The following PLB1 variants were observed in gnomAD, a reference collection of about 807,000 sequenced individuals.
PLB1 encodes the protein phospholipase B1, also known as phospholipase B1, membrane-associated.
Under a neutral mutation model 227.4 loss-of-function variants are expected in PLB1, and 242 were observed. The observed-to-expected ratio is 1.06, with a 90% confidence interval of 0.96 to 1.18. The LOEUF is 1.18. PLB1 is among the 50% of genes most tolerant of loss of function. The pLI, the probability that PLB1 is intolerant of heterozygous loss-of-function variation, is 0.00. For missense variants in PLB1, 1,858 were observed against 1,816.3 expected (o/e 1.02, Z -0.42); for synonymous variants, 757 against 682.2 (o/e 1.11, Z -1.71).
Position 28,643,295 on chromosome 2 carries a change from C to T in PLB1, c.*234C>T, listed in dbSNP as rs1463560449. 2.4e-6 allele frequency: 1 copy of T among 418,802 alleles called. No individual in the cohort carries two copies. Among genetic ancestry groups the T allele is most frequent in the Non-Finnish European group, 4.3e-6 (1 of 234,714 alleles). The allele number at this position is 418,802 out of a possible 1,614,324, so 25.9% of individuals were successfully genotyped here. On this transcript the variant is annotated 3_prime_UTR_variant, in exon 58 of 58. Coordinates refer to ENST00000327757, the MANE Select transcript of PLB1 (RefSeq NM_153021.5). ...CCTGGGTTTGCCTGCGTGAAGCACT[C>T]ACCTTCCATCTCTTGTGCAGCCCAG...
Position 28,557,768 on chromosome 2 carries a change from T to C in PLB1, c.1147+4777T>C, listed in dbSNP as rs541803899. On this transcript the variant is annotated intron_variant, in intron 17 of 57. Coordinates refer to ENST00000327757, the MANE Select transcript of PLB1 (RefSeq NM_153021.5). ...ATCAGCCCACACAAATTTAATCTTA[T>C]CACTAAATAGTTCTTTTTCCAGGGA... Among the ~76,000 whole-genome samples, 4 of 152,362 alleles carry C rather than the reference T, an allele frequency of 2.6e-5. No individual in the cohort carries two copies. The South Asian group carries it at 8.3e-4, about 32-fold the overall frequency.
At chr2:28,620,426 G>T (rs1360367807) in intron 47 of PLB1, 94 bp downstream of exon 47, 54 of 1,355,634 alleles carry the variant, frequency 4.0e-5, no homozygotes, top group Non-Finnish European at 2.0e-6. Context: ...GATGCAGTTG[G>T]GTCCCCAGGT....
chr2:28,562,938 T>C, intron 17 of PLB1, 103 bp from the exon 18 acceptor site: 1 of 1,198,790 alleles, frequency 8.3e-7, no homozygotes, highest in Non-Finnish European at 1.2e-6. Flanking sequence ...AAAAACTGAC[T>C]TTTTCTTTGT....
chr2:28,594,274 G>C, intron 33 of PLB1: 1 of 270,296 alleles, frequency 3.7e-6, no homozygotes, highest in East Asian at 8.8e-5. Flanking sequence ...TTAGCAATTC[G>C]ACAAGAGGAA....
chr2:28,533,280 G>A (rs1671261300), intron 9 of PLB1, among the ~76,000 whole-genome samples: 1 of 152,104 alleles, frequency 6.6e-6, no homozygotes, highest in African/African-American at 2.4e-5. Flanking sequence ...GCTCTCATTG[G>A]CCAATATTCC....
At chr2:28,567,870 T>C (rs138909318) in intron 20 of PLB1, among the ~76,000 whole-genome samples, 1,868 of 152,302 alleles carry the variant, frequency 0.012, 55 homozygotes, top group South Asian at 0.12. Context: ...GCGATACATA[T>C]TTAAATTGAA....
chr2:28,635,262 C>T (rs1689162357), intron 56 of PLB1, among the ~76,000 whole-genome samples: 1 of 152,210 alleles, frequency 6.6e-6, no homozygotes, highest in South Asian at 2.1e-4. Context: ...AAAGCTGTAG[C>T]ATGATGCCAA....
intron 49 of PLB1, among the ~76,000 whole-genome samples, chr2:28,621,517 G>A (rs1483124322): frequency 6.6e-6 from 1 of 152,228 alleles, no homozygotes; most frequent in Non-Finnish European, 1.5e-5. Flanking sequence ...CATGGTGGCT[G>A]TTTGTTTTCA....
At chr2:28,562,474 G>A (rs1245994987) in intron 17 of PLB1, among the ~76,000 whole-genome samples, 19 of 129,676 alleles carry the variant, frequency 1.5e-4, no homozygotes, top group African/African-American at 5.3e-4. Context: ...CCTGGGAGGC[G>A]GAGGTTGTAG....
Position 28,518,519 on chromosome 2 carries a change from G to A in PLB1, c.171G>A (p.Met57Ile). 6.2e-7 allele frequency: 1 copy of A among 1,612,046 alleles called. No homozygotes were observed. The change falls in exon 3 of 58, where the codon ATG becomes ATA. Residue 57 changes from methionine to isoleucine, a missense_variant. Met to Ile is a conservative substitution (Grantham distance 10). Transcript: ENST00000327757. ...PCNPNKLGVN[M>I]PSKSVHSLKP... ...ACCCAAATAAATTAGGAGTGAATATGCCTTCTAAATCAGGTATGTAACCCT... is the reference window on the plus strand; with the variant it reads ...ACCCAAATAAATTAGGAGTGAATATACCTTCTAAATCAGGTATGTAACCCT...
At chr2:28,592,631 A>C in intron 31 of PLB1, 30 bp from the exon 32 acceptor site, 1 of 1,612,064 alleles carries the variant, frequency 6.2e-7, no homozygotes, top group East Asian at 2.2e-5. Context: ...TCCCTCCTGC[A>C]GCCCTAAGTG....
At chr2:28,594,382 A>C in intron 33 of PLB1, 1 of 197,610 alleles carries the variant, frequency 5.1e-6, no homozygotes, top group Non-Finnish European at 1.1e-5. Flanking sequence ...TTTCTCTCCT[A>C]ATAAAGTTCT....
intron 1 of PLB1, among the ~76,000 whole-genome samples, chr2:28,511,952 C>CTT (rs35941185): frequency 2.0e-3 from 269 of 131,386 alleles, no homozygotes; most frequent in African/African-American, 4.3e-3. Context: ...GCCTGGCTAA[C>CTT]TTTTTTTTTT....
At chr2:28,608,152 C>T (rs766248380) in intron 43 of PLB1, among the ~76,000 whole-genome samples, 3 of 152,310 alleles carry the variant, frequency 2.0e-5, no homozygotes, top group South Asian at 2.1e-4. Context: ...GATCCAGCCT[C>T]GTGGAACCAG....
At chr2:28,642,462 T>C (rs1690082660) in intron 57 of PLB1, among the ~76,000 whole-genome samples, 1 of 152,174 alleles carries the variant, frequency 6.6e-6, no homozygotes, top group Non-Finnish European at 1.5e-5. Flanking sequence ...TGTCCTTCCA[T>C]GCTGCCCTTC....
chr2:28,603,106 T>A (rs1246060166), intron 39 of PLB1, among the ~76,000 whole-genome samples, 185 bp downstream of exon 39: 1 of 152,162 alleles, frequency 6.6e-6, no homozygotes, highest in African/African-American at 2.4e-5. Flanking sequence ...GTTACCCAAC[T>A]TCAAGGTGCC....
At position 28,604,013 on chromosome 2, in the gene PLB1, T is replaced by C; in HGVS notation, c.2822T>C (p.Leu941Pro). 2.5e-6 allele frequency: 4 copies of C among 1,614,190 alleles called. No individual in the cohort carries two copies. Among genetic ancestry groups the C allele is most frequent in the Non-Finnish European group, 3.4e-6 (4 of 1,180,012 alleles). Residue 941 changes from leucine (L) to proline (P), a missense_variant, in exon 40 of 58, where the codon CTA becomes CCA. Coordinates refer to ENST00000327757, the MANE Select transcript of PLB1 (RefSeq NM_153021.5). ...VLTLRENSQELARLEAFSRAY... is the reference protein window; with the variant it reads ...VLTLRENSQEPARLEAFSRAY... ...ACCCTGCGGGAGAACTCCCAAGAGC[T>C]AGCCAGGCTGGAGGCCTTCAGCCGA...
At chr2:28,554,489 C>CTTTTTTTTTTTTTTTT (rs536476788) in intron 17 of PLB1, among the ~76,000 whole-genome samples, 12 of 85,474 alleles carry the variant, frequency 1.4e-4, no homozygotes, top group South Asian at 3.6e-4. Flanking sequence ...CCACACCTGC[C>CTTTTTTTTTTTTTTTT]TTTTTTTTTT....
intron 44 of PLB1, among the ~76,000 whole-genome samples, chr2:28,614,601 A>G (rs2148318996): frequency 6.6e-6 from 1 of 152,142 alleles, no homozygotes. Context: ...CATTGGATTA[A>G]CCATGTCTGT....
Sources: allele counts gnomAD v4.1 joint callset (sites outside exome capture counted in the v4.1 genomes callset), GRCh38; gene constraint gnomAD v4.1.1; transcripts MANE v1.5; gene names NCBI Gene and HGNC (gene_info 2026-07-23, HGNC 2026-07-21).